TGM2: variants seen among roughly 807,000 people sequenced by gnomAD.
TGM2 encodes the protein transglutaminase 2, also known as protein-glutamine gamma-glutamyltransferase 2.
TGM2 carries 53 observed loss-of-function variants against 75.6 expected under a neutral mutation model. That is an observed-to-expected ratio of 0.70 (90% CI 0.56 to 0.88). The LOEUF (loss-of-function observed/expected upper bound fraction) is 0.88. Among genes scored for constraint, TGM2 ranks in the 40% least tolerant of loss-of-function variants. The pLI, the probability that TGM2 is intolerant of heterozygous loss-of-function variation, is 0.00. For missense variants in TGM2, 842 were observed against 928.5 expected (o/e 0.91, Z 1.21); for synonymous variants, 374 against 381.1 (o/e 0.98, Z 0.22).
chr20:38,137,472 GCAAA>G (rs1000081758), intron 10 of TGM2, among the ~76,000 whole-genome samples: 11 of 152,226 alleles, frequency 7.2e-5, no homozygotes, highest in South Asian at 4.1e-4. Context: ...AAAAAAACAA[GCAAA>G]CAAACAAACA....
chr20:38,162,149 G>A (rs1053167344), intron 1 of TGM2, among the ~76,000 whole-genome samples: 1 of 152,196 alleles, frequency 6.6e-6, no homozygotes, highest in Non-Finnish European at 1.5e-5. Flanking sequence ...GTGACCCCCT[G>A]TGGCACTTCC....
At chr20:38,156,324 C>T (rs2075187152) in intron 2 of TGM2, among the ~76,000 whole-genome samples, 1 of 152,390 alleles carries the variant, frequency 6.6e-6, no homozygotes, top group Non-Finnish European at 1.5e-5. Flanking sequence ...CACAGGCATA[C>T]AGCATGTCCT....
At chr20:38,130,878 G>A (rs2074820734) in intron 12 of TGM2, among the ~76,000 whole-genome samples, 1 of 152,164 alleles carries the variant, frequency 6.6e-6, no homozygotes, top group Non-Finnish European at 1.5e-5. Context: ...TCACTGTGGA[G>A]GTCTGTGGCA....
At chr20:38,131,400 G>A (rs974301541) in intron 11 of TGM2, among the ~76,000 whole-genome samples, 171 bp from the exon 12 acceptor site, 12 of 132,662 alleles carry the variant, frequency 9.0e-5, no homozygotes, top group Admixed American at 1.6e-4. Context: ...GGAAAACACC[G>A]ATTGTGCTAC....
chr20:38,157,561 C>T (rs1365143326), intron 2 of TGM2, among the ~76,000 whole-genome samples: 2 of 152,246 alleles, frequency 1.3e-5, no homozygotes, highest in Non-Finnish European at 2.9e-5. Context: ...AACTGGCTCT[C>T]TGAACTTCGA....
At chr20:38,150,894 C>T in intron 4 of TGM2, 45 bp downstream of exon 4, 1 of 1,470,336 alleles carries the variant, frequency 6.8e-7, no homozygotes, top group Non-Finnish European at 9.5e-7. Flanking sequence ...GCCGGGCACA[C>T]AGAAGGGCCT....
At position 38,161,529 on chromosome 20, in the gene TGM2, G is replaced by A. The variant is rs1416410878; in HGVS notation, c.81C>T (p.Cys27=). 3 of 1,614,206 alleles carry A rather than the reference G, an allele frequency of 1.9e-6. No individual in the cohort carries two copies. Among genetic ancestry groups the A allele is most frequent in the Non-Finnish European group, 2.5e-6 (3 of 1,180,034 alleles). The change falls in exon 2 of 13, where the codon TGC becomes TGT. Residue 27 remains cysteine (C), a synonymous_variant. Transcript: ENST00000361475. ...CCCGTCGCACCACCAGCTTCTCCCG[G>A]CACAGGTCGGCCGTGTGGTGGTCTC... ...NGRDHHTADL[C]REKLVVRRGQ... is the part of the protein sequence containing the mutation.
intron 12 of TGM2, 40 bp downstream of exon 12, chr20:38,131,053 G>C (rs747841843): frequency 1.2e-6 from 2 of 1,608,034 alleles, no homozygotes; most frequent in African/African-American, 2.7e-5. Flanking sequence ...GCATCTGCCC[G>C]CTTCCCCCAG....
rs1455966108 is a variant in TGM2 at position 38,161,596 on chromosome 20, A to T, written c.14T>A (p.Leu5Gln). The change falls in exon 2 of 13, where the codon CTG becomes CAG. Residue 5 changes from leucine (L) to glutamine (Q), a missense_variant. By Grantham distance (113) the Leu-to-Gln change is moderately radical. Coordinates refer to ENST00000361475, the MANE Select transcript of TGM2 (RefSeq NM_004613.4). ...CTCCAGATCACACCTCTCTAAGACC[A>T]GCTCTATGGAAACAGAAGGAGACGC... MAEE[L>Q]VLERCDLELE... 6.2e-7 allele frequency: 1 copy of T among 1,614,122 alleles called. No homozygotes were observed. The highest frequency in any genetic ancestry group is 1.1e-5 in the South Asian group (1 of 91,074).
chr20:38,159,243 G>A (rs1342864323), intron 2 of TGM2, among the ~76,000 whole-genome samples: 3 of 152,272 alleles, frequency 2.0e-5, no homozygotes, highest in East Asian at 1.9e-4. Context: ...TATCCTCAGC[G>A]AACGAACGCA....
upstream of TGM2, among the ~76,000 whole-genome samples, chr20:38,165,894 T>A (rs2075306102): frequency 4.6e-5 from 7 of 151,830 alleles, no homozygotes; most frequent in South Asian, 1.5e-3. Flanking sequence ...AGGACATAGA[T>A]ACAGCCTGAC....
intron 4 of TGM2, among the ~76,000 whole-genome samples, chr20:38,149,941 A>G (rs528952915): frequency 1.1e-4 from 17 of 152,214 alleles, no homozygotes; most frequent in South Asian, 1.0e-3. Context: ...TACAGGGAAG[A>G]TTTCCCTATG....
At chr20:38,160,904 G>T (rs922810063) in intron 2 of TGM2, among the ~76,000 whole-genome samples, 3 of 152,170 alleles carry the variant, frequency 2.0e-5, no homozygotes, top group Admixed American at 1.3e-4. Flanking sequence ...AGGCTCAAAT[G>T]ATCCTCTCAC....
upstream of TGM2, chr20:38,166,526 G>A (rs957046206): frequency 6.6e-6 from 1 of 152,228 alleles, no homozygotes; most frequent in African/African-American, 2.4e-5. Context: ...GAGCGGGAAG[G>A]GTTCCCGGAG....
chr20:38,152,221 C>T (rs1444013448), intron 3 of TGM2, among the ~76,000 whole-genome samples: 3 of 152,106 alleles, frequency 2.0e-5, no homozygotes, highest in East Asian at 1.9e-4. Flanking sequence ...ACAGTGCCTG[C>T]CGGGTCTAAT....
intron 3 of TGM2, among the ~76,000 whole-genome samples, chr20:38,154,617 C>A (rs183063771): frequency 6.6e-6 from 1 of 152,178 alleles, no homozygotes; most frequent in East Asian, 1.9e-4. Flanking sequence ...CCACTCTGAG[C>A]CTCAGTTTCC....
chr20:38,159,062 G>C (rs1303589768), intron 2 of TGM2, among the ~76,000 whole-genome samples: 1 of 152,188 alleles, frequency 6.6e-6, no homozygotes, highest in Non-Finnish European at 1.5e-5. Flanking sequence ...TAAGTTGGTG[G>C]AGACTGGAGG....
intron 3 of TGM2, 116 bp from the exon 4 acceptor site, chr20:38,151,173 CCTT>C: frequency 1.3e-6 from 1 of 768,170 alleles, no homozygotes; most frequent in Non-Finnish European, 2.4e-6. Flanking sequence ...AGGGATCCAT[CCTT>C]CTTTTAATTA....
chr20:38,139,414 T>C lies in TGM2; in HGVS notation c.1340A>G (p.Glu447Gly). Residue 447 changes from glutamate (E) to glycine (G), a missense_variant and splice_region_variant, in exon 9 of 13, where the codon GAG (glutamate) becomes GGG (glycine). Coordinates refer to ENST00000361475, the MANE Select transcript of TGM2 (RefSeq NM_004613.4). ...EDITHTYKYPEGSSEEREAFT... is the reference protein window; with the variant it reads ...EDITHTYKYPGGSSEEREAFT... ...TTAAAGACTCTGAGGGCACATACCC[T>C]CTGGGTATTTGTAGGTGTGGGTGAT... The C allele has an allele frequency of 6.2e-7, 1 of 1,614,030 alleles. No individual in the cohort carries two copies. The highest frequency in any genetic ancestry group is 1.6e-4 in the Middle Eastern group (1 of 6,062).
Sources: gnomAD v4.1 joint callset for allele counts (sites outside exome capture counted in the v4.1 genomes callset) on GRCh38, gnomAD v4.1.1 for gene constraint, MANE v1.5 for transcripts, NCBI Gene and HGNC (gene_info 2026-07-23, HGNC 2026-07-21) for gene names.